LOXHD1: variants seen among roughly 807,000 people sequenced by gnomAD.
LOXHD1 encodes the protein lipoxygenase homology domain-containing protein 1.
LOXHD1 carries 205 observed loss-of-function variants against 248.2 expected under a neutral mutation model. The observed-to-expected ratio is 0.83, with a 90% CI of 0.74 to 0.93. The LOEUF is 0.93. Ranked by LOEUF, LOXHD1 falls within the 40% of genes least tolerant of loss-of-function variation. The probability of loss-of-function intolerance (pLI) is 0.00; values close to 1 mark genes in which losing one functional copy is unlikely to be tolerated. For missense variants in LOXHD1, 2,930 were observed against 2,971.6 expected, an observed-to-expected ratio of 0.99 and a Z score of 0.33; for synonymous variants, 1,113 against 1,162.8, an observed-to-expected ratio of 0.96 and a Z score of 0.87.
At chr18:46,523,645 T>C (rs2035688103) in intron 31 of LOXHD1, among the ~76,000 whole-genome samples, 1 of 152,212 alleles carries the variant, frequency 6.6e-6, no homozygotes, top group African/African-American at 2.4e-5. Context: ...TTTTAGGTTA[T>C]ACAATCTGTA....
At chr18:46,520,779 G>A (rs1272331794) in intron 33 of LOXHD1, 4 of 305,064 alleles carry the variant, frequency 1.3e-5, no homozygotes, top group Middle Eastern at 9.5e-4. Context: ...CATGAATTGT[G>A]ATCTCATTAA....
chr18:46,523,358 C>T (rs9964481), intron 31 of LOXHD1, among the ~76,000 whole-genome samples: 69,431 of 151,890 alleles, frequency 0.46, 16,560 homozygotes, highest in Non-Finnish European at 0.55. Context: ...CTCCAGCATT[C>T]ATCTTGGAAC....
At chr18:46,478,947 G>A (rs1273044240) in intron 40 of LOXHD1, among the ~76,000 whole-genome samples, 2 of 152,026 alleles carry the variant, frequency 1.3e-5, no homozygotes, top group South Asian at 2.1e-4. Context: ...ATTCTCCTGC[G>A]CTGGCCTCCC....
intron 21 of LOXHD1, among the ~76,000 whole-genome samples, chr18:46,553,446 G>T (rs1246368324): frequency 6.6e-6 from 1 of 152,184 alleles, no homozygotes; most frequent in Non-Finnish European, 1.5e-5. Flanking sequence ...GACCATCAGG[G>T]TTCCTTTCTT....
chr18:46,592,610 A>G, intron 10 of LOXHD1, 26 bp from the exon 11 acceptor site: 2 of 1,525,070 alleles, frequency 1.3e-6, no homozygotes, highest in Non-Finnish European at 1.8e-6. Flanking sequence ...AAAACATTTG[A>G]GTGGGCATAA....
intron 40 of LOXHD1, among the ~76,000 whole-genome samples, chr18:46,482,877 C>G (rs1375556143): frequency 6.6e-6 from 1 of 152,186 alleles, no homozygotes; most frequent in Non-Finnish European, 1.5e-5. Flanking sequence ...TTTCACTTAC[C>G]CTTTGGCAAG....
At chr18:46,572,263 G>A in intron 14 of LOXHD1, 101 bp from the exon 15 acceptor site, 1 of 1,046,978 alleles carries the variant, frequency 9.6e-7, no homozygotes, top group Non-Finnish European at 1.5e-6. Flanking sequence ...CCAGAGCTTT[G>A]ACTTTAGCAA....
In LOXHD1 at chr18:46,559,562, G is replaced by A. The variant is rs2144003792; in HGVS notation, c.3102C>T (p.Pro1034=). 1.3e-6 allele frequency: 2 copies of A among 1,551,864 alleles called. No homozygotes were observed. The highest frequency in any genetic ancestry group is 1.4e-5 in the African/African-American group (1 of 73,156). ...YEVQVVTGNV[P]KAGTDANVYL... is the part of the protein sequence containing the mutation. ...AGACGTTAGCATCAGTGCCGGCCTT[G>A]GGCACATTCCCCGTGACCACCTGAA... is the stretch of plus-strand genomic sequence containing the variant. Residue 1034 remains proline, a synonymous_variant, in exon 20 of 41, where the codon CCC becomes CCT. Coordinates refer to ENST00000642948, the MANE Select transcript of LOXHD1 (RefSeq NM_001384474.1).
intron 18 of LOXHD1, among the ~76,000 whole-genome samples, chr18:46,562,653 G>T (rs1349203510): frequency 1.3e-5 from 2 of 152,192 alleles, no homozygotes; most frequent in East Asian, 1.9e-4. Context: ...TGGAGGAACT[G>T]CAGCCTTAGT....
At chr18:46,644,001 A>C (rs1472075011) in intron 2 of LOXHD1, among the ~76,000 whole-genome samples, 1 of 152,258 alleles carries the variant, frequency 6.6e-6, no homozygotes, top group Non-Finnish European at 1.5e-5. Flanking sequence ...TTAAAAAATC[A>C]TGTCTAGATG....
chr18:46,584,199 T>C (rs1231193259), intron 12 of LOXHD1, among the ~76,000 whole-genome samples: 1 of 152,000 alleles, frequency 6.6e-6, no homozygotes, highest in Admixed American at 6.5e-5. Context: ...AATAATATTT[T>C]TACAAGAGTA....
intron 21 of LOXHD1, among the ~76,000 whole-genome samples, chr18:46,554,456 G>A (rs921677922): frequency 6.6e-6 from 1 of 152,208 alleles, no homozygotes; most frequent in Non-Finnish European, 1.5e-5. Context: ...AGAAAGGGGA[G>A]ATTCACTATT....
At chr18:46,635,798 AAGT>A (rs1306401524) in intron 4 of LOXHD1, among the ~76,000 whole-genome samples, 1 of 152,194 alleles carries the variant, frequency 6.6e-6, no homozygotes, top group Non-Finnish European at 1.5e-5. Context: ...TGAGTTAAAG[AAGT>A]AGTAGTAATT....
chr18:46,595,744 G>A (rs1440911596), intron 8 of LOXHD1, among the ~76,000 whole-genome samples: 2 of 152,138 alleles, frequency 1.3e-5, no homozygotes, highest in Non-Finnish European at 2.9e-5. Flanking sequence ...GAGCATCCTC[G>A]ACAAGTTGAG....
At chr18:46,600,143 T>C (rs2038312656) in intron 8 of LOXHD1, among the ~76,000 whole-genome samples, 1 of 152,174 alleles carries the variant, frequency 6.6e-6, no homozygotes, top group Admixed American at 6.5e-5. Flanking sequence ...TTGCTCATAG[T>C]AGTAAAAATC....
intron 22 of LOXHD1, among the ~76,000 whole-genome samples, chr18:46,545,726 T>G (rs1598966835): frequency 7.2e-6 from 1 of 139,018 alleles, no homozygotes; most frequent in Non-Finnish European, 1.5e-5. Context: ...GCCTCCCGGG[T>G]TCACGCCATT....
At chr18:46,541,521 G>T (rs1414937393) in intron 25 of LOXHD1, among the ~76,000 whole-genome samples, 4 of 152,168 alleles carry the variant, frequency 2.6e-5, no homozygotes. Flanking sequence ...ACCCTCGAGA[G>T]GTTAGGTTCT....
intron 32 of LOXHD1, 55 bp downstream of exon 32, chr18:46,522,046 C>T: frequency 7.6e-7 from 1 of 1,310,084 alleles, no homozygotes; most frequent in Non-Finnish European, 1.0e-6. Flanking sequence ...AGGAACTGGT[C>T]AGCTCTGTCT....
At chr18:46,528,817 G>A (rs1178052023) in intron 29 of LOXHD1, among the ~76,000 whole-genome samples, 2 of 152,180 alleles carry the variant, frequency 1.3e-5, no homozygotes, top group Non-Finnish European at 2.9e-5. Flanking sequence ...TGTCAGCACA[G>A]CCCCTGCCAT....
Sources: gnomAD v4.1 joint callset for allele counts (sites outside exome capture counted in the v4.1 genomes callset) on GRCh38, gnomAD v4.1.1 for gene constraint, MANE v1.5 for transcripts, NCBI Gene and HGNC (gene_info 2026-07-23, HGNC 2026-07-21) for gene names.